COL8A1: variants seen among roughly 807,000 people sequenced by gnomAD.
COL8A1 encodes the protein collagen alpha-1(VIII) chain.
A neutral mutation model predicts 42.7 loss-of-function variants in COL8A1; 21 were observed. The ratio of observed to expected loss-of-function variants is 0.49; its 90% CI spans 0.35 to 0.71. The LOEUF (loss-of-function observed/expected upper bound fraction) is 0.71, where lower values mean the gene tolerates loss of function less well. COL8A1 is among the 30% of genes least tolerant of loss of function. The pLI is 0.01. For synonymous variants in COL8A1, 367 were observed against 369.1 expected, an observed-to-expected ratio of 0.99 and a Z score of 0.06; for missense variants, 788 against 962.4, an observed-to-expected ratio of 0.82 and a Z score of 2.40.
At chr3:99,721,321 A>C (rs557644058) in intron 1 of COL8A1, among the ~76,000 whole-genome samples, 8 of 149,278 alleles carry the variant, frequency 5.4e-5, no homozygotes, top group African/African-American at 2.0e-4. Context: ...CCAGCCAGAG[A>C]GCAGAACACC....
At chr3:99,670,417 T>C (rs1010925056) in intron 1 of COL8A1, among the ~76,000 whole-genome samples, 9 of 152,010 alleles carry the variant, frequency 5.9e-5, no homozygotes, top group African/African-American at 2.2e-4. Context: ...TTGGAACCAG[T>C]TTTTTGGAGA....
chr3:99,646,936 A>G (rs1937656598), intron 1 of COL8A1, among the ~76,000 whole-genome samples: 1 of 152,212 alleles, frequency 6.6e-6, no homozygotes. Flanking sequence ...ACTGTTTAAT[A>G]ATGACTTTTG....
rs1288604781 is a variant in COL8A1, at chr3:99,797,570, C to A, written c.*1434C>A. 1 of 152,152 alleles carries A rather than the reference C, an allele frequency of 6.6e-6. No homozygotes were observed. Among genetic ancestry groups the A allele is most frequent in the Non-Finnish European group, 1.5e-5 (1 of 68,036 alleles). 9.4% of individuals were successfully genotyped at this position (152,152 alleles called of 1,614,324 possible). A position where few individuals can be genotyped will look rare whatever the true frequency, so the allele number is the denominator to read the frequency against. Reference sequence around the variant, plus strand: ...TACAGGCATGAGCCACCGTGCCCGGCCAAAGTCAGCTTTCAAAATCCAAGC... The same window carrying A: ...TACAGGCATGAGCCACCGTGCCCGGACAAAGTCAGCTTTCAAAATCCAAGC... On this transcript the variant is annotated 3_prime_UTR_variant, in exon 4 of 4. Coordinates refer to ENST00000652472, the MANE Select transcript of COL8A1 (RefSeq NM_020351.4).
intron 1 of COL8A1, among the ~76,000 whole-genome samples, chr3:99,724,643 C>T (rs191383705): frequency 1.1e-4 from 17 of 152,244 alleles, no homozygotes; most frequent in Admixed American, 2.0e-4. Flanking sequence ...CAGTCTTCCT[C>T]ACTGACCCAA....
intron 1 of COL8A1, among the ~76,000 whole-genome samples, chr3:99,728,069 T>C (rs1254183353): frequency 6.6e-6 from 1 of 151,658 alleles, no homozygotes; most frequent in Non-Finnish European, 1.5e-5. Context: ...GCATTCCCTT[T>C]GAAAACTGGC....
chr3:99,728,300 G>A (rs1436426886), intron 1 of COL8A1, among the ~76,000 whole-genome samples: 2 of 152,140 alleles, frequency 1.3e-5, no homozygotes, highest in South Asian at 2.1e-4. Context: ...AAAGTCTCAG[G>A]ATCTACCTGC....
chr3:99,670,341 A>G (rs1938505672), intron 1 of COL8A1, among the ~76,000 whole-genome samples: 1 of 152,066 alleles, frequency 6.6e-6, no homozygotes, highest in African/African-American at 2.4e-5. Flanking sequence ...TCTTCCATTC[A>G]TGTGAAGTCA....
chr3:99,689,618 T>C (rs1939159190), intron 1 of COL8A1, among the ~76,000 whole-genome samples: 1 of 152,234 alleles, frequency 6.6e-6, no homozygotes, highest in South Asian at 2.1e-4. Flanking sequence ...TTTTTAAACA[T>C]AGATACTACT....
intron 1 of COL8A1, among the ~76,000 whole-genome samples, chr3:99,656,237 T>A (rs1218385336): frequency 6.6e-6 from 1 of 152,244 alleles, no homozygotes; most frequent in African/African-American, 2.4e-5. Context: ...TATTCTAATA[T>A]GTGTGTGTCT....
At chr3:99,737,326 T>A (rs1940755421) in intron 1 of COL8A1, among the ~76,000 whole-genome samples, 1 of 152,174 alleles carries the variant, frequency 6.6e-6, no homozygotes, top group Non-Finnish European at 1.5e-5. Flanking sequence ...CTAGTCTCGA[T>A]GGTCTTTACA....
intron 1 of COL8A1, among the ~76,000 whole-genome samples, chr3:99,736,722 G>C (rs1192297261): frequency 1.3e-5 from 2 of 152,080 alleles, no homozygotes; most frequent in Admixed American, 1.3e-4. Context: ...ATTTGGGGTG[G>C]AGAGTTCTGT....
intron 1 of COL8A1, among the ~76,000 whole-genome samples, chr3:99,722,849 A>C (rs535210823): frequency 3.9e-4 from 59 of 152,256 alleles, no homozygotes; most frequent in African/African-American, 1.3e-3. Flanking sequence ...GACTATTATG[A>C]TTTAATAAAT....
intron 1 of COL8A1, among the ~76,000 whole-genome samples, chr3:99,683,895 C>T (rs1002506395): frequency 6.6e-6 from 1 of 151,902 alleles, no homozygotes; most frequent in African/African-American, 2.4e-5. Context: ...CTCTATAAGA[C>T]CAAAACAATA....
At chr3:99,781,314 G>A (rs1456108521) in intron 2 of COL8A1, among the ~76,000 whole-genome samples, 1 of 152,144 alleles carries the variant, frequency 6.6e-6, no homozygotes, top group Non-Finnish European at 1.5e-5. Context: ...TGGTGGGTGA[G>A]GGGGTAGGAG....
At chr3:99,726,682 T>C (rs1940338672) in intron 1 of COL8A1, among the ~76,000 whole-genome samples, 1 of 152,070 alleles carries the variant, frequency 6.6e-6, no homozygotes. Context: ...CTTTCCCCAT[T>C]GCTTGTTTTT....
chr3:99,697,231 C>A (rs1306159064), intron 1 of COL8A1, among the ~76,000 whole-genome samples: 1 of 151,894 alleles, frequency 6.6e-6, no homozygotes, highest in Non-Finnish European at 1.5e-5. Context: ...CGTGATCCGC[C>A]CGCCTCGGCC....
intron 2 of COL8A1, among the ~76,000 whole-genome samples, chr3:99,746,845 C>A (rs989889648): frequency 1.9e-4 from 29 of 152,000 alleles, no homozygotes; most frequent in African/African-American, 6.8e-4. Context: ...GTGAAAATAA[C>A]CAGCTGAAAG....
intron 2 of COL8A1, 143 bp from the exon 3 acceptor site, chr3:99,790,537 T>C: frequency 1.5e-6 from 1 of 677,492 alleles, no homozygotes; most frequent in Non-Finnish European, 2.5e-6. Flanking sequence ...GAAAGTAGCA[T>C]TTTCCTTTTC....
At position 99,794,140 on chromosome 3, in the gene COL8A1, T is replaced by C; in HGVS notation, c.329-90T>C. ...CAAATGTGTCAGAACTAAATAATGGTTGTCAGTACTTCATTGATGTGAGAG... is the reference window on the plus strand; with the variant it reads ...CAAATGTGTCAGAACTAAATAATGGCTGTCAGTACTTCATTGATGTGAGAG... On this transcript the variant is annotated intron_variant, in intron 3 of 3. Coordinates refer to ENST00000652472, the MANE Select transcript of COL8A1 (RefSeq NM_020351.4). The surrounding 1 kb of genome is among the most constrained non-coding windows in gnomAD (Gnocchi z 4.3). 1 of 774,384 alleles carries C rather than the reference T, an allele frequency of 1.3e-6. No individual in the cohort carries two copies. Among genetic ancestry groups the C allele is most frequent in the East Asian group, 2.6e-5 (1 of 37,868 alleles). The allele number at this position is 774,384 out of a possible 1,614,324, so 48.0% of individuals were successfully genotyped here.
Sources: gnomAD v4.1 joint callset for allele counts (sites outside exome capture counted in the v4.1 genomes callset) on GRCh38, gnomAD v4.1.1 for gene constraint, Gnocchi (gnomAD v3.1) non-coding constraint, MANE v1.5 for transcripts, NCBI Gene and HGNC (gene_info 2026-07-23, HGNC 2026-07-21) for gene names.